The following TUSC3 variants were observed in gnomAD, a reference collection of about 807,000 sequenced individuals.
TUSC3 encodes tumor suppressor candidate 3.
In TUSC3, 45 loss-of-function variants were observed where a neutral mutation model predicts 44.8. The ratio of observed to expected loss-of-function variants is 1.00; its 90% CI spans 0.79 to 1.29. The LOEUF is 1.29. TUSC3 is among the 50% of genes most tolerant of loss of function. TUSC3 has a pLI of 0.00. For synonymous variants in TUSC3, 212 were observed against 152.9 expected, an observed-to-expected ratio of 1.39 and a Z score of -2.85; for missense variants, 519 against 437.9, an observed-to-expected ratio of 1.19 and a Z score of -1.65.
chr8:15,818,788 A>T, the TUSC3 span, among the ~76,000 whole-genome samples: 1 of 152,228 alleles, frequency 6.6e-6, no homozygotes, highest in Admixed American at 6.5e-5. Flanking sequence ...TATGAACTAG[A>T]TTGCTGCTGC....
At chr8:15,594,537 C>G (rs139328895) in intron 1 of TUSC3, among the ~76,000 whole-genome samples, 52 of 152,278 alleles carry the variant, frequency 3.4e-4, no homozygotes, top group African/African-American at 1.2e-3. Flanking sequence ...GTGATGCAAG[C>G]AAGTATTTTG....
At chr8:15,581,048 C>T (rs888918108) in intron 1 of TUSC3, among the ~76,000 whole-genome samples, 1 of 118,912 alleles carries the variant, frequency 8.4e-6, no homozygotes, top group South Asian at 3.2e-4. Flanking sequence ...AACTTCCCTT[C>T]TCGCTTCATT....
At chr8:15,755,607 C>T (rs1169995500) in intron 9 of TUSC3, among the ~76,000 whole-genome samples, 1 of 151,490 alleles carries the variant, frequency 6.6e-6, no homozygotes, top group Non-Finnish European at 1.5e-5. Flanking sequence ...CAATTATAAA[C>T]AACAGTTTAT....
At position 15,650,740 on chromosome 8, in the gene TUSC3, T is replaced by G. The variant is rs778413040; in HGVS notation, c.352T>G (p.Tyr118Asp). ...EYQILANSWR[Y>D]SSAFCNKLFF... The stretch of plus-strand genomic sequence containing the variant: ...TCAAATACTGGCGAACTCCTGGCGC[T>G]ATTCATCTGCTTTTTGTAACAAGCT... Residue 118 changes from tyrosine (Y) to aspartate (D), a missense_variant, in exon 3 of 11, where the codon TAT (tyrosine) becomes GAT (aspartate). Transcript: ENST00000503731. 6.2e-7 allele frequency: 1 copy of G among 1,614,152 alleles called. No homozygotes were observed. The highest frequency in any genetic ancestry group is 8.5e-7 in the Non-Finnish European group (1 of 1,180,030).
intron 6 of TUSC3, among the ~76,000 whole-genome samples, chr8:15,680,075 G>A (rs2129185250): frequency 6.6e-6 from 1 of 151,002 alleles, no homozygotes; most frequent in Admixed American, 6.6e-5. Flanking sequence ...TCTCTGTTTG[G>A]GTTCCACATG....
chr8:15,728,683 G>C (rs1200069581), intron 6 of TUSC3, among the ~76,000 whole-genome samples: 1 of 152,130 alleles, frequency 6.6e-6, no homozygotes, highest in Non-Finnish European at 1.5e-5. Context: ...CAGTATATCA[G>C]ATTAGATACT....
chr8:15,576,435 T>G (rs1355768926), intron 1 of TUSC3, among the ~76,000 whole-genome samples: 1 of 148,036 alleles, frequency 6.8e-6, no homozygotes, highest in African/African-American at 2.5e-5. Flanking sequence ...GCATTAGGTA[T>G]ATCTCCCAAT....
chr8:15,838,289 T>C, the TUSC3 span, among the ~76,000 whole-genome samples: 2 of 152,212 alleles, frequency 1.3e-5, no homozygotes, highest in Non-Finnish European at 2.9e-5. Context: ...GTGAACTTTC[T>C]TGGATTCATT....
intron 2 of TUSC3, among the ~76,000 whole-genome samples, 182 bp downstream of exon 2, chr8:15,623,431 A>G (rs1409581423): frequency 6.6e-6 from 1 of 152,170 alleles, no homozygotes; most frequent in African/African-American, 2.4e-5. Flanking sequence ...ATATTCTTTT[A>G]TTGGGGGCAT....
chr8:15,571,014 T>C (rs892058885), intron 1 of TUSC3, among the ~76,000 whole-genome samples: 1 of 134,088 alleles, frequency 7.5e-6, no homozygotes, highest in Non-Finnish European at 1.6e-5. Context: ...TGAAGTGCAG[T>C]GATATGATCT....
chr8:15,526,260 C>T (rs138191045), intron 2 of TUSC3, among the ~76,000 whole-genome samples: 7,545 of 152,178 alleles, frequency 0.05, 247 homozygotes, highest in Middle Eastern at 0.11. Context: ...GTCTCGATCT[C>T]CTGACCTCGT....
chr8:15,475,941 G>C (rs1800568921), intron 1 of TUSC3, among the ~76,000 whole-genome samples: 1 of 152,124 alleles, frequency 6.6e-6, no homozygotes, highest in Non-Finnish European at 1.5e-5. Context: ...TGTACATTTA[G>C]AGCTCAATAG....
the TUSC3 span, among the ~76,000 whole-genome samples, chr8:15,849,105 A>G: frequency 1.3e-5 from 2 of 152,184 alleles, no homozygotes; most frequent in African/African-American, 2.4e-5. Context: ...AATACCATAT[A>G]GGGCTTAAAA....
chr8:15,639,040 T>A (rs1199936160), intron 2 of TUSC3, among the ~76,000 whole-genome samples: 1 of 146,642 alleles, frequency 6.8e-6, no homozygotes, highest in Non-Finnish European at 1.5e-5. Flanking sequence ...CACGTGATGT[T>A]CAGGGCTCCA....
At chr8:15,809,025 A>C in the TUSC3 span, among the ~76,000 whole-genome samples, 2 of 152,198 alleles carry the variant, frequency 1.3e-5, no homozygotes, top group Non-Finnish European at 2.9e-5. Flanking sequence ...GGCCAAACTC[A>C]AGAGACAAGG....
intron 7 of TUSC3, among the ~76,000 whole-genome samples, chr8:15,738,827 C>CTTTTTTTTTTTTTTCTTTTTTTTTT (rs1563198661): frequency 2.3e-5 from 2 of 87,160 alleles, no homozygotes; most frequent in Non-Finnish European, 2.1e-5. Context: ...ATATATCTTG[C>CTTTTTTTTTTTTTTCTTTTTTTTTT]TTTTTTTTTT....
At chr8:15,657,744 G>A (rs920734527) in intron 3 of TUSC3, among the ~76,000 whole-genome samples, 4 of 151,968 alleles carry the variant, frequency 2.6e-5, no homozygotes, top group Non-Finnish European at 5.9e-5. Context: ...ACCTTTCCAG[G>A]TATTTGTTGT....
chr8:15,453,955 T>C (rs1309682104), intron 1 of TUSC3, among the ~76,000 whole-genome samples: 1 of 152,192 alleles, frequency 6.6e-6, no homozygotes, highest in Non-Finnish European at 1.5e-5. Context: ...GGCTCAAGCA[T>C]GTACACTAAG....
intron 1 of TUSC3, among the ~76,000 whole-genome samples, chr8:15,607,500 T>C (rs1227172536): frequency 2.6e-5 from 4 of 152,164 alleles, no homozygotes; most frequent in Non-Finnish European, 4.4e-5. Flanking sequence ...TATTGAAACA[T>C]GTCACCACCT....
Sources: allele counts gnomAD v4.1 joint callset (sites outside exome capture counted in the v4.1 genomes callset), GRCh38; gene constraint gnomAD v4.1.1; transcripts MANE v1.5; gene names NCBI Gene and HGNC (gene_info 2026-07-23, HGNC 2026-07-21).